ZC2HC1A: variants seen among roughly 807,000 people sequenced by gnomAD.
ZC2HC1A encodes zinc finger C2HC-type containing 1A.
ZC2HC1A carries 28 observed loss-of-function variants against 40.7 expected under a neutral mutation model. The observed-to-expected ratio is 0.69, with a 90% CI of 0.51 to 0.94. The LOEUF (loss-of-function observed/expected upper bound fraction) is 0.94. Ranked by LOEUF, ZC2HC1A falls within the 40% of genes least tolerant of loss-of-function variation. ZC2HC1A has a pLI of 0.00. For missense variants in ZC2HC1A, 389 were observed against 386.3 expected, an observed-to-expected ratio of 1.01 and a Z score of -0.06; for synonymous variants, 129 against 129.2, an observed-to-expected ratio of 1.00 and a Z score of 0.01.
At chr8:78,713,965 A>G (rs1811022297) in intron 7 of ZC2HC1A, among the ~76,000 whole-genome samples, 2 of 152,172 alleles carry the variant, frequency 1.3e-5, no homozygotes, top group African/African-American at 4.8e-5. Context: ...TATTACCTGC[A>G]TGTACTTTGG....
intron 7 of ZC2HC1A, chr8:78,712,152 C>A (rs1443259036): frequency 1.8e-6 from 2 of 1,117,156 alleles, no homozygotes; most frequent in East Asian, 5.8e-5. Flanking sequence ...CAGATATTTC[C>A]TTAAAAGCTT....
intron 7 of ZC2HC1A, among the ~76,000 whole-genome samples, chr8:78,704,244 C>T (rs906850115): frequency 7.9e-5 from 12 of 151,666 alleles, no homozygotes; most frequent in African/African-American, 1.5e-4. Context: ...AAAAATTAGC[C>T]GGGTGTGGTT....
intron 7 of ZC2HC1A, among the ~76,000 whole-genome samples, chr8:78,709,679 C>T (rs1810893073): frequency 6.7e-6 from 1 of 149,986 alleles, no homozygotes; most frequent in African/African-American, 2.5e-5. Flanking sequence ...TGTCTTGGAC[C>T]ACATATAAAA....
rs1016980682 is a variant in ZC2HC1A at position 78,715,309 on chromosome 8, A to G, written c.793A>G (p.Thr265Ala). The change falls in exon 8 of 9, where the codon ACT becomes GCT. Residue 265 changes from threonine (T) to alanine (A), a missense_variant. Thr to Ala is a moderately conservative substitution (Grantham distance 58, BLOSUM62 0). Transcript: ENST00000263849. ...GCTTACAAACAAAAGAAAAACATAT[A>G]CTGAGAGCTACATAGCCAGGTATGT... The part of the protein sequence containing the change: ...GVLTNKRKTY[T>A]ESYIARPDGD... 3.1e-6 allele frequency: 5 copies of G among 1,613,462 alleles called. No homozygotes were observed. Among genetic ancestry groups the G allele is most frequent in the Non-Finnish European group, 4.2e-6 (5 of 1,179,810 alleles).
At position 78,717,574 on chromosome 8, in the gene ZC2HC1A, T is replaced by C; in HGVS notation, c.*81T>C. On this transcript the variant is annotated 3_prime_UTR_variant, in exon 9 of 9. Coordinates refer to ENST00000263849, the MANE Select transcript of ZC2HC1A (RefSeq NM_016010.3). ...TGGACAGCTAGAGCACATCCTCTAG[T>C]TAGTTTGTGCTAAAAATACTCGAAA... is the stretch of plus-strand genomic sequence containing the variant. The C allele has an allele frequency of 7.0e-7, 1 of 1,420,122 alleles. No homozygotes were observed. The highest frequency in any genetic ancestry group is 9.4e-7 in the Non-Finnish European group (1 of 1,059,210). 88.0% of individuals were successfully genotyped at this position (1,420,122 alleles called of 1,614,324 possible). A position where few individuals can be genotyped will look rare whatever the true frequency, so the allele number is the denominator to read the frequency against.
At position 78,697,523 on chromosome 8, in the gene ZC2HC1A, A is replaced by G. The variant is rs376457456; in HGVS notation, c.604+17A>G. On this transcript the variant is annotated intron_variant, in intron 6 of 8. Coordinates refer to ENST00000263849, the MANE Select transcript of ZC2HC1A (RefSeq NM_016010.3). ...CTGTTGTAGGTAATGATAGCCGAAA[A>G]GCAACTTGATTTGTTTTTGAAACCA... 2.4e-5 allele frequency: 39 copies of G among 1,593,706 alleles called. No homozygotes were observed. In the African/African-American group the frequency reaches 5.3e-4, roughly 22 times the overall value.
Position 78,717,945 on chromosome 8 carries a change from G to A in ZC2HC1A, c.*452G>A, listed in dbSNP as rs1811157938. On this transcript the variant is annotated 3_prime_UTR_variant, in exon 9 of 9. Coordinates refer to ENST00000263849, the MANE Select transcript of ZC2HC1A (RefSeq NM_016010.3). Reference sequence around the variant, plus strand: ...AGTATCATAGTAGGATAGATGCTGGGAATTTTGTAATTAAAGAGAACAGTT... The same window carrying A: ...AGTATCATAGTAGGATAGATGCTGGAAATTTTGTAATTAAAGAGAACAGTT... 6.6e-6 allele frequency: 1 copy of A among 152,102 alleles called. No homozygotes were observed. Among genetic ancestry groups the A allele is most frequent in the Non-Finnish European group, 1.5e-5 (1 of 68,278 alleles). 9.4% of individuals were successfully genotyped at this position (152,102 alleles called of 1,614,324 possible).
intron 2 of ZC2HC1A, among the ~76,000 whole-genome samples, chr8:78,677,420 A>G (rs1051900159): frequency 6.6e-6 from 1 of 152,084 alleles, no homozygotes; most frequent in African/African-American, 2.4e-5. Context: ...GGCGAAGAAA[A>G]CTGCAAAGTT....
In ZC2HC1A at chr8:78,681,906, T is replaced by A. The variant is rs564797499; in HGVS notation, c.210+3227T>A. On this transcript the variant is annotated intron_variant, in intron 3 of 8. Transcript: ENST00000263849. Reference sequence around the variant, plus strand: ...CTCTTTTTTCCTTTTTCTTTCTTTTTTTTTTTTTTCTTTTTTTTGAGACAG... The same window carrying A: ...CTCTTTTTTCCTTTTTCTTTCTTTTATTTTTTTTTCTTTTTTTTGAGACAG... Among the ~76,000 whole-genome samples, 332 of 150,884 alleles carry A rather than the reference T, an allele frequency of 2.2e-3. 3 individuals are homozygous for A. The highest frequency in any genetic ancestry group is 7.5e-3 in the African/African-American group (310 of 41,248).
intron 5 of ZC2HC1A, among the ~76,000 whole-genome samples, chr8:78,696,357 A>C (rs1307820112): frequency 6.6e-6 from 1 of 152,106 alleles, no homozygotes; most frequent in East Asian, 1.9e-4. Flanking sequence ...TTTTCACATG[A>C]AATCTTGATA....
intron 7 of ZC2HC1A, among the ~76,000 whole-genome samples, chr8:78,709,890 A>G (rs1004812872): frequency 6.6e-6 from 1 of 152,302 alleles, no homozygotes; most frequent in Non-Finnish European, 1.5e-5. Flanking sequence ...ACCATCCGGT[A>G]AATTCTTTTC....
At chr8:78,691,604 G>A (rs1387564893) in intron 5 of ZC2HC1A, among the ~76,000 whole-genome samples, 2 of 151,938 alleles carry the variant, frequency 1.3e-5, no homozygotes, top group African/African-American at 4.8e-5. Flanking sequence ...GTTTAGGTCT[G>A]CCATCTGTTT....
At chr8:78,670,150 A>G (rs1220659129) in intron 1 of ZC2HC1A, among the ~76,000 whole-genome samples, 1 of 151,748 alleles carries the variant, frequency 6.6e-6, no homozygotes, top group African/African-American at 2.4e-5. Context: ...TATTTTTAGT[A>G]GAGATGGGGT....
intron 7 of ZC2HC1A, among the ~76,000 whole-genome samples, chr8:78,710,979 C>G (rs1810933299): frequency 6.6e-6 from 1 of 152,054 alleles, no homozygotes; most frequent in South Asian, 2.1e-4. Context: ...TTTTCAGACA[C>G]TAAACTCCAT....
intron 8 of ZC2HC1A, 127 bp downstream of exon 8, chr8:78,715,455 C>A: frequency 1.2e-6 from 1 of 836,914 alleles, no homozygotes; most frequent in Non-Finnish European, 1.8e-6. Context: ...TTTAATCTGG[C>A]TTTTAAGTTG....
chr8:78,675,350 G>A (rs62518975), intron 1 of ZC2HC1A, among the ~76,000 whole-genome samples: 7,743 of 151,834 alleles, frequency 0.051, 274 homozygotes, highest in Middle Eastern at 0.083. Context: ...AGTAAGATTC[G>A]TTTTATTCTA....
intron 7 of ZC2HC1A, among the ~76,000 whole-genome samples, chr8:78,711,357 A>G (rs554979743): frequency 3.3e-5 from 5 of 152,000 alleles, no homozygotes; most frequent in African/African-American, 4.8e-5. Context: ...GAGCCTTTAT[A>G]ATTTTGGTCA....
At chr8:78,710,454 T>C (rs1810917456) in intron 7 of ZC2HC1A, among the ~76,000 whole-genome samples, 1 of 152,110 alleles carries the variant, frequency 6.6e-6, no homozygotes, top group African/African-American at 2.4e-5. Context: ...TAGGTTTTTA[T>C]TATATTTTAC....
chr8:78,687,514 A>G (rs1004371806), intron 4 of ZC2HC1A, among the ~76,000 whole-genome samples: 6 of 142,414 alleles, frequency 4.2e-5, no homozygotes, highest in Admixed American at 1.4e-4. Context: ...AATTATATAT[A>G]TTTATATAAT....
Sources: gnomAD v4.1 joint callset for allele counts (sites outside exome capture counted in the v4.1 genomes callset) on GRCh38, gnomAD v4.1.1 for gene constraint, MANE v1.5 for transcripts, NCBI Gene and HGNC (gene_info 2026-07-23, HGNC 2026-07-21) for gene names.